Variants in PCDHGA4 observed in about 807,000 individuals in gnomAD.
The protein encoded by PCDHGA4 is protocadherin gamma subfamily A, 4.
A neutral mutation model predicts 54.6 loss-of-function variants in PCDHGA4; 38 were observed. The observed-to-expected ratio is 0.70, with a 90% CI of 0.54 to 0.91. The LOEUF (loss-of-function observed/expected upper bound fraction) is 0.91, where lower values mean the gene tolerates loss of function less well. PCDHGA4 is among the 40% of genes least tolerant of loss of function. The pLI, the probability that PCDHGA4 is intolerant of heterozygous loss-of-function variation, is 0.00. For missense variants in PCDHGA4, 1,298 were observed against 1,220.9 expected (o/e 1.06, Z -0.94); for synonymous variants, 511 against 512.9 (o/e 1.00, Z 0.05).
At chr5:141,452,377 A>G (rs2098740152) in intron 1 of PCDHGA4, among the ~76,000 whole-genome samples, 1 of 152,222 alleles carries the variant, frequency 6.6e-6, no homozygotes, top group African/African-American at 2.4e-5. Flanking sequence ...TTAGTAGGGA[A>G]TAGTATTTAG....
chr5:141,356,726 C>G lies in PCDHGA4; in HGVS notation c.1619C>G (p.Ser540Cys), dbSNP rs1209862693. The change falls in exon 1 of 4, where the codon TCC (serine) becomes TGC (cysteine). Residue 540 changes from serine (S) to cysteine (C), a missense_variant. Ser to Cys is a moderately radical substitution (Grantham distance 112). Transcript: ENST00000571252. ...APLSSYVSIN[S>C]NTGILYALCS... ...CTGTCCTCCTATGTCTCCATCAACT[C>G]CAATACAGGGATCCTATATGCTCTT... is the stretch of plus-strand genomic sequence containing the variant. The G allele has an allele frequency of 3.1e-6, 5 of 1,614,024 alleles. No homozygotes were observed. The highest frequency in any genetic ancestry group is 1.7e-5 in the Admixed American group (1 of 60,034).
At chr5:141,364,583 G>A in intron 1 of PCDHGA4, 2 of 1,614,216 alleles carry the variant, frequency 1.2e-6, no homozygotes. Context: ...CGGCAGCTTG[G>A]TCACCGCGGG....
rs966291038 is a variant in PCDHGA4, at chr5:141,487,740, G to A, written c.2515-7067G>A. 4 of 1,562,290 alleles carry A rather than the reference G, an allele frequency of 2.6e-6. No individual in the cohort carries two copies. The highest frequency in any genetic ancestry group is 1.7e-6 in the Non-Finnish European group (2 of 1,151,972). On this transcript the variant is annotated intron_variant, in intron 1 of 3. Transcript: ENST00000571252. The surrounding 1 kb of genome is among the most constrained non-coding windows in gnomAD (Gnocchi z 5.0). ...CATAGTGATGTCACCATTTTTGTAAGAGGTAACTATGTGGTAGACGCTGTG... is the reference window on the plus strand; with the variant it reads ...CATAGTGATGTCACCATTTTTGTAAAAGGTAACTATGTGGTAGACGCTGTG...
chr5:141,478,637 G>A (rs1227108157), intron 1 of PCDHGA4: 2 of 1,552,684 alleles, frequency 1.3e-6, no homozygotes, highest in Non-Finnish European at 1.7e-6. Context: ...TTTTAGTGAT[G>A]AAGATGTTTT....
chr5:141,446,623 TGC>T (rs1310809206), intron 1 of PCDHGA4, among the ~76,000 whole-genome samples: 1 of 152,014 alleles, frequency 6.6e-6, no homozygotes, highest in African/African-American at 2.4e-5. Flanking sequence ...ACTACAGGCG[TGC>T]ACCACCACGC....
chr5:141,400,580 C>T (rs756569671), intron 1 of PCDHGA4: 2 of 1,610,388 alleles, frequency 1.2e-6, no homozygotes, highest in South Asian at 2.2e-5. Context: ...TCTGTATTTA[C>T]ATGAAACTAT....
chr5:141,412,898 C>T (rs1300324880), intron 1 of PCDHGA4: 2 of 361,136 alleles, frequency 5.5e-6, no homozygotes, highest in Non-Finnish European at 9.8e-6. Context: ...AGTTTACTTT[C>T]CATTGCATGT....
In PCDHGA4 at chr5:141,488,647, T is replaced by TG. The variant is rs535492979; in HGVS notation, c.2515-6155dup. ...CTCACCTTAGCAGCATTCAGCAGGA[T>TG]GGGGGAGGGTGGGGGAATACATGGG... On this transcript the variant is annotated intron_variant, in intron 1 of 3. Transcript: ENST00000571252. Among the ~76,000 whole-genome samples, 173 of 152,088 alleles carry TG rather than the reference T, an allele frequency of 1.1e-3. 1 individual carries two copies. Among genetic ancestry groups the TG allele is most frequent in the African/African-American group, 3.9e-3 (160 of 41,492 alleles).
At position 141,476,669 on chromosome 5, in the gene PCDHGA4, C is replaced by G; in HGVS notation, c.2515-18138C>G. ...AAATGAATACTTTGCGCTTCGCGTGCAGACGCGGGAGGACAGCACCAAGTA... is the reference window on the plus strand; with the variant it reads ...AAATGAATACTTTGCGCTTCGCGTGGAGACGCGGGAGGACAGCACCAAGTA... On this transcript the variant is annotated intron_variant, in intron 1 of 3. Coordinates refer to ENST00000571252, the MANE Select transcript of PCDHGA4 (RefSeq NM_018917.4). This position sits in a 1 kb window ranked among gnomAD's most constrained non-coding sequence, Gnocchi z 7.6. 6.2e-7 allele frequency: 1 copy of G among 1,614,246 alleles called. No individual in the cohort carries two copies. The highest frequency in any genetic ancestry group is 1.1e-5 in the South Asian group (1 of 91,086).
chr5:141,403,671 C>T (rs1322750068), intron 1 of PCDHGA4: 3 of 1,613,786 alleles, frequency 1.9e-6, no homozygotes, highest in African/African-American at 1.3e-5. Flanking sequence ...GATAATGCCC[C>T]GGTTTTTGCT....
chr5:141,489,380 A>T lies in PCDHGA4; in HGVS notation c.2515-5427A>T, dbSNP rs753226956. 1 of 1,613,874 alleles carries T rather than the reference A, an allele frequency of 6.2e-7. No homozygotes were observed. The highest frequency in any genetic ancestry group is 2.2e-5 in the East Asian group (1 of 44,872). On this transcript the variant is annotated intron_variant, in intron 1 of 3. Transcript: ENST00000571252. The surrounding 1 kb of genome is among the most constrained non-coding windows in gnomAD (Gnocchi z 4.5). ...TCTGAGCCGGGGACGCTGGTGGGGA[A>T]TGTTGCTCAGGATCTGGGCTTAAAG... is the stretch of plus-strand genomic sequence containing the variant.
intron 1 of PCDHGA4, chr5:141,366,625 G>C: frequency 6.2e-7 from 1 of 1,614,274 alleles, no homozygotes; most frequent in Non-Finnish European, 8.5e-7. Flanking sequence ...ACTCGAGGAA[G>C]AGTCACCTGA....
chr5:141,372,992 T>C (rs1414132477), intron 1 of PCDHGA4, among the ~76,000 whole-genome samples: 1 of 152,240 alleles, frequency 6.6e-6, no homozygotes, highest in Non-Finnish European at 1.5e-5. Flanking sequence ...GTTGCAGTTG[T>C]TCTTTCATAG....
intron 3 of PCDHGA4, 133 bp downstream of exon 3, chr5:141,505,614 AC>A: frequency 6.6e-7 from 1 of 1,510,758 alleles, no homozygotes; most frequent in Non-Finnish European, 8.9e-7. Flanking sequence ...GTCTGAAAGG[AC>A]CCACAATTCC....
At chr5:141,429,571 A>G (rs1221285032) in intron 1 of PCDHGA4, among the ~76,000 whole-genome samples, 2 of 152,156 alleles carry the variant, frequency 1.3e-5, no homozygotes, top group Non-Finnish European at 2.9e-5. Flanking sequence ...ATTCAGTTAC[A>G]TTTACTTTTG....
At chr5:141,389,008 G>A in intron 1 of PCDHGA4, 1 of 1,613,992 alleles carries the variant, frequency 6.2e-7, no homozygotes. Flanking sequence ...AAGGATTCCA[G>A]ACACAATGGA....
Position 141,394,139 on chromosome 5 carries a change from G to A in PCDHGA4, c.2514+36518G>A, listed in dbSNP as rs780148099. 1.7e-5 allele frequency: 27 copies of A among 1,613,788 alleles called. No individual in the cohort carries two copies. The African/African-American group carries it at 3.5e-4, about 21-fold the overall frequency. On this transcript the variant is annotated intron_variant, in intron 1 of 3. Coordinates refer to ENST00000571252, the MANE Select transcript of PCDHGA4 (RefSeq NM_018917.4). ...CTGAAACTCAAATCGCTCTGCACGTGGCAGACATTAACGACAACCCTCCTA... is the reference window on the plus strand; with the variant it reads ...CTGAAACTCAAATCGCTCTGCACGTAGCAGACATTAACGACAACCCTCCTA...
intron 1 of PCDHGA4, chr5:141,433,196 C>A (rs750657930): frequency 4.4e-6 from 7 of 1,575,116 alleles, no homozygotes; most frequent in African/African-American, 1.4e-5. Context: ...GAGTTTATAT[C>A]AAATCTTCTT....
chr5:141,423,782 C>A (rs1458189260), intron 1 of PCDHGA4: 2 of 1,243,328 alleles, frequency 1.6e-6, no homozygotes, highest in Non-Finnish European at 1.0e-6. Context: ...ATATTTAGTT[C>A]ATATATATTT....
Sources: allele counts gnomAD v4.1 joint callset (sites outside exome capture counted in the v4.1 genomes callset), GRCh38; gene constraint gnomAD v4.1.1; non-coding constraint Gnocchi (gnomAD v3.1); transcripts MANE v1.5; gene names NCBI Gene and HGNC (gene_info 2026-07-23, HGNC 2026-07-21).